FILIP1: variants seen among roughly 807,000 people sequenced by gnomAD.
FILIP1 encodes filamin-A-interacting protein 1.
A neutral mutation model predicts 102.1 loss-of-function variants in FILIP1; 61 were observed. The observed-to-expected ratio is 0.60, with a 90% CI of 0.49 to 0.74. FILIP1 has a LOEUF of 0.74. Among genes scored for constraint, FILIP1 ranks in the 30% least tolerant of loss-of-function variants. The pLI is 0.00. For synonymous variants in FILIP1, 491 were observed against 526.9 expected, an observed-to-expected ratio of 0.93 and a Z score of 0.93; for missense variants, 1,314 against 1,441.2, an observed-to-expected ratio of 0.91 and a Z score of 1.43.
chr6:75,400,043 A>G (rs1402965968), intron 2 of FILIP1, among the ~76,000 whole-genome samples: 2 of 152,126 alleles, frequency 1.3e-5, no homozygotes, highest in African/African-American at 4.8e-5. Flanking sequence ...CCTGGCTGAG[A>G]GACAGCTCTG....
chr6:75,487,250 G>A (rs1223637257), intron 1 of FILIP1, among the ~76,000 whole-genome samples: 1 of 152,118 alleles, frequency 6.6e-6, no homozygotes, highest in South Asian at 2.1e-4. Context: ...AATCTGAGCT[G>A]GCAAAACTCT....
chr6:75,340,352 A>G (rs1305265821), intron 4 of FILIP1, among the ~76,000 whole-genome samples: 1 of 152,184 alleles, frequency 6.6e-6, no homozygotes, highest in Non-Finnish European at 1.5e-5. Flanking sequence ...ACACTAGATC[A>G]GGCCAGAGGG....
intron 2 of FILIP1, among the ~76,000 whole-genome samples, chr6:75,369,010 T>C (rs899987776): frequency 3.3e-5 from 5 of 152,220 alleles, no homozygotes; most frequent in Admixed American, 6.5e-5. Flanking sequence ...TGGAAATCAC[T>C]GCTCTAGGAC....
intron 2 of FILIP1, chr6:75,367,226 T>G (rs1775367938): frequency 6.6e-6 from 1 of 152,200 alleles, no homozygotes; most frequent in Non-Finnish European, 1.5e-5. Flanking sequence ...AGTTTAATTA[T>G]CCTAGATACT....
intron 2 of FILIP1, among the ~76,000 whole-genome samples, chr6:75,375,741 G>A (rs370452107): frequency 4.2e-4 from 64 of 152,286 alleles, no homozygotes; most frequent in African/African-American, 1.5e-3. Flanking sequence ...ATTTATACGA[G>A]GTTTATTTGA....
At chr6:75,384,170 AG>A (rs1297924145) in intron 2 of FILIP1, among the ~76,000 whole-genome samples, 5 of 152,218 alleles carry the variant, frequency 3.3e-5, no homozygotes, top group Non-Finnish European at 5.9e-5. Context: ...CCTAAAATTT[AG>A]ATCAAACTCT....
At chr6:75,489,092 C>G (rs1396818639) in intron 1 of FILIP1, among the ~76,000 whole-genome samples, 2 of 152,088 alleles carry the variant, frequency 1.3e-5, no homozygotes, top group African/African-American at 4.8e-5. Context: ...AGGAGGAAGT[C>G]TTCATTGCTG....
At chr6:75,450,167 G>A (rs1392385637) in intron 1 of FILIP1, among the ~76,000 whole-genome samples, 3 of 152,034 alleles carry the variant, frequency 2.0e-5, no homozygotes, top group Admixed American at 2.0e-4. Context: ...GGCGGGTGGA[G>A]GGATCTTGCT....
In FILIP1 at chr6:75,406,613, A is replaced by G. The variant is rs529799556; in HGVS notation, c.276+8084T>C. Among the ~76,000 whole-genome samples the G allele has an allele frequency of 2.0e-5, 3 of 151,102 alleles. No homozygotes were observed. In the South Asian group the frequency reaches 6.3e-4, roughly 32 times the overall value. ...TAGGAGCCCATCAAATACAAGTATT[A>G]TGATTATGTGTCTTTGCATTCCTCA... On this transcript the variant is annotated intron_variant, in intron 2 of 5. Coordinates refer to ENST00000237172, the MANE Select transcript of FILIP1 (RefSeq NM_015687.5).
chr6:75,338,966 A>G (rs945223680), intron 4 of FILIP1, among the ~76,000 whole-genome samples: 4 of 152,114 alleles, frequency 2.6e-5, no homozygotes, highest in Non-Finnish European at 1.5e-5. Context: ...TCAGTTCATG[A>G]AAAAAAATCC....
chr6:75,368,672 A>G (rs1775418313), intron 2 of FILIP1, among the ~76,000 whole-genome samples: 1 of 152,140 alleles, frequency 6.6e-6, no homozygotes, highest in African/African-American at 2.4e-5. Flanking sequence ...CAGAAAGAAG[A>G]GGTAAGGTGA....
At chr6:75,489,508 C>T (rs909233440) in intron 1 of FILIP1, among the ~76,000 whole-genome samples, 5 of 152,012 alleles carry the variant, frequency 3.3e-5, no homozygotes, top group African/African-American at 1.2e-4. Context: ...TAAAGCCATA[C>T]TAGCTTAAAT....
chr6:75,461,819 C>T (rs763689827), intron 1 of FILIP1, among the ~76,000 whole-genome samples: 1 of 152,110 alleles, frequency 6.6e-6, no homozygotes, highest in Non-Finnish European at 1.5e-5. Context: ...TGAACAAGGG[C>T]GAAGTGTGTG....
intron 2 of FILIP1, among the ~76,000 whole-genome samples, chr6:75,407,556 T>C (rs936508118): frequency 1.3e-5 from 2 of 152,146 alleles, no homozygotes; most frequent in African/African-American, 4.8e-5. Context: ...ATACAACACC[T>C]CTTCTGCCAC....
intron 4 of FILIP1, among the ~76,000 whole-genome samples, chr6:75,348,738 C>T (rs540110166): frequency 6.6e-6 from 1 of 152,242 alleles, no homozygotes; most frequent in Admixed American, 6.5e-5. Context: ...TGATAACTAC[C>T]CCAAATAGAA....
At chr6:75,319,597 G>T (rs915855345) in intron 4 of FILIP1, 1 of 460,624 alleles carries the variant, frequency 2.2e-6, no homozygotes, top group African/African-American at 2.0e-5. Context: ...TTGGGAGGCC[G>T]AGGCTGGCGG....
intron 4 of FILIP1, 83 bp downstream of exon 4, chr6:75,353,456 G>A (rs1208869658): frequency 1.3e-6 from 2 of 1,485,646 alleles, no homozygotes; most frequent in Non-Finnish European, 9.2e-7. Flanking sequence ...GCCCCTGGCT[G>A]AAAGACTGAT....
intron 1 of FILIP1, among the ~76,000 whole-genome samples, chr6:75,446,249 A>G (rs1778440522): frequency 6.6e-6 from 1 of 152,172 alleles, no homozygotes; most frequent in Non-Finnish European, 1.5e-5. Context: ...AATGGTAGAT[A>G]ATATGCTAAC....
At chr6:75,337,287 A>C (rs1001734243) in intron 4 of FILIP1, among the ~76,000 whole-genome samples, 4 of 152,208 alleles carry the variant, frequency 2.6e-5, no homozygotes, top group African/African-American at 9.7e-5. Flanking sequence ...TGGATCCTAG[A>C]GACAGAGTAT....
Sources: allele counts gnomAD v4.1 joint callset (sites outside exome capture counted in the v4.1 genomes callset), GRCh38; gene constraint gnomAD v4.1.1; transcripts MANE v1.5; gene names NCBI Gene and HGNC (gene_info 2026-07-23, HGNC 2026-07-21).